PCNX3: variants seen among roughly 807,000 people sequenced by gnomAD.
PCNX3 encodes pecanex-like protein 3.
Under a neutral mutation model 207.2 loss-of-function variants are expected in PCNX3, and 58 were observed. The observed-to-expected ratio is 0.28, with a 90% confidence interval of 0.23 to 0.35. The LOEUF is 0.35. PCNX3 is among the 10% of genes least tolerant of loss of function. The pLI is 1.00. For synonymous variants in PCNX3, 1,337 were observed against 1,183.5 expected (o/e 1.13, Z -2.66); for missense variants, 2,410 against 2,774.4 (o/e 0.87, Z 2.95).
Position 65,625,926 on chromosome 11 carries a change from A to G in PCNX3, c.3251A>G (p.Tyr1084Cys). 6.2e-7 allele frequency: 1 copy of G among 1,613,564 alleles called. No individual in the cohort carries two copies. The highest frequency in any genetic ancestry group is 1.7e-4 in the Middle Eastern group (1 of 6,050). ...CAGTCGGTGCTGGGTTTCGTGTTGTACGCACTGGCTGGGGCCGTGGGCTTC... is the reference window on the plus strand; with the variant it reads ...CAGTCGGTGCTGGGTTTCGTGTTGTGCGCACTGGCTGGGGCCGTGGGCTTC... The part of the protein sequence containing the change: ...ALKSVLGFVL[Y>C]ALAGAVGFFT... Residue 1084 changes from tyrosine to cysteine, a missense_variant, in exon 20 of 35, where the codon TAC (tyrosine) becomes TGC (cysteine). Tyr to Cys is a radical substitution (Grantham distance 194, BLOSUM62 -2). This residue lies in a region of PCNX3 where 333 missense variants were observed against 386.8 expected (regional missense o/e 0.86). Coordinates refer to ENST00000355703, the MANE Select transcript of PCNX3 (RefSeq NM_032223.4). This position sits in a 1 kb window ranked among gnomAD's most constrained non-coding sequence, Gnocchi z 5.6.
In PCNX3 at chr11:65,624,209, G is replaced by T; in HGVS notation, c.2559G>T (p.Val853=). 1 of 1,606,050 alleles carries T rather than the reference G, an allele frequency of 6.2e-7. No individual in the cohort carries two copies. The highest frequency in any genetic ancestry group is 1.7e-5 in the Admixed American group (1 of 59,418). ...AASPMHGHNW[V]IAYSRPVYFC... is the part of the protein sequence containing the mutation. ...TGACCCCTCAGGGCCACAACTGGGT[G>T]ATCGCGTACAGCCGTCCTGTCTACT... is the stretch of plus-strand genomic sequence containing the variant. The change falls in exon 14 of 35, where the codon GTG becomes GTT. Residue 853 remains valine (V), a synonymous_variant. Transcript: ENST00000355703.
In PCNX3 at chr11:65,622,333, A is replaced by G. The variant is rs1443143405; in HGVS notation, c.2324A>G (p.Tyr775Cys). 4 of 1,597,482 alleles carry G rather than the reference A, an allele frequency of 2.5e-6. No homozygotes were observed. Among genetic ancestry groups the G allele is most frequent in the Non-Finnish European group, 3.4e-6 (4 of 1,172,874 alleles). The change falls in exon 11 of 35, where the codon TAT (tyrosine) becomes TGT (cysteine). Residue 775 changes from tyrosine to cysteine, a missense_variant. By Grantham distance (194) the Tyr-to-Cys change is radical (BLOSUM62 -2). This residue lies in a region of PCNX3 where 177 missense variants were observed against 257.5 expected (regional missense o/e 0.69). Coordinates refer to ENST00000355703, the MANE Select transcript of PCNX3 (RefSeq NM_032223.4). ...CCTGGCCGCTGGACCTCTGTGCGCTATGAGCGGCTTGCCCTGCTGGCTCTG... is the reference window on the plus strand; with the variant it reads ...CCTGGCCGCTGGACCTCTGTGCGCTGTGAGCGGCTTGCCCTGCTGGCTCTG... ...LLPGRWTSVR[Y>C]ERLALLALLD...
In PCNX3 at chr11:65,629,731, C is replaced by G. The variant is rs1855542591; in HGVS notation, c.4212C>G (p.Phe1404Leu). Residue 1404 changes from phenylalanine (F) to leucine (L), a missense_variant, in exon 26 of 35, where the codon TTC becomes TTG. This residue lies in a region of PCNX3 where 420 missense variants were observed against 705.3 expected (regional missense o/e 0.60). Transcript: ENST00000355703. ...LVTFQLRGLE[F>L]RGTYCQQREV... The stretch of plus-strand genomic sequence containing the variant: ...CCTTCCAGCTGCGTGGCCTTGAGTT[C>G]CGGGGTGAGCCGCAGGACCAGGCTC... 1.3e-6 allele frequency: 2 copies of G among 1,549,662 alleles called. No individual in the cohort carries two copies. Among genetic ancestry groups the G allele is most frequent in the Non-Finnish European group, 1.7e-6 (2 of 1,147,174 alleles).
intron 5 of PCNX3, 45 bp downstream of exon 5, chr11:65,617,751 G>A (rs1854823426): frequency 2.5e-5 from 38 of 1,542,932 alleles, no homozygotes; most frequent in Non-Finnish European, 3.3e-5. Flanking sequence ...TAGACCAGCT[G>A]TTTCGTTGTT....
chr11:65,616,552 G>T (rs1854739454), intron 1 of PCNX3, 88 bp downstream of exon 1: 3 of 1,416,222 alleles, frequency 2.1e-6, no homozygotes, highest in South Asian at 1.3e-5. Context: ...GCTCTGGGAC[G>T]TGGAGAGAGA....
rs890154223 is a variant in PCNX3 at position 65,636,245 on chromosome 11, G to A, written c.5531G>A (p.Gly1844Asp). The A allele has an allele frequency of 1.9e-6, 3 of 1,587,560 alleles. No homozygotes were observed. The highest frequency in any genetic ancestry group is 2.6e-6 in the Non-Finnish European group (3 of 1,166,706). ...NVDDSDCSGG[G>D]GLTSLSNNPP... ...GATGATTCAGACTGTAGTGGGGGCG[G>A]TGGCCTGACCTCCCTCAGCAATAAC... Residue 1844 changes from glycine (G) to aspartate (D), a missense_variant, in exon 33 of 35, where the codon GGT becomes GAT. Transcript: ENST00000355703.
Position 65,627,452 on chromosome 11 carries a change from C to T in PCNX3, c.3572C>T (p.Ser1191Leu), listed in dbSNP as rs1229364927. 13 of 1,613,138 alleles carry T rather than the reference C, an allele frequency of 8.1e-6. No homozygotes were observed. Among genetic ancestry groups the T allele is most frequent in the Admixed American group, 1.7e-5 (1 of 60,008 alleles). ...MTVAGLKLLR[S>L]AFCCPPQQYL... ...GTGGCTGGGCTGAAGCTGCTGCGCT[C>T]AGCCTTCTGCTGCCCCCCACAGCAG... The change falls in exon 22 of 35, where the codon TCA becomes TTA. Residue 1191 changes from serine (S) to leucine (L), a missense_variant. This residue lies in a region of PCNX3 where 333 missense variants were observed against 386.8 expected (regional missense o/e 0.86). Coordinates refer to ENST00000355703, the MANE Select transcript of PCNX3 (RefSeq NM_032223.4).
chr11:65,637,235 A>C lies in PCNX3; in HGVS notation c.*257A>C. On this transcript the variant is annotated 3_prime_UTR_variant, in exon 35 of 35. Transcript: ENST00000355703. ...CCAGCCAGGCCCTAAGAGCCAAACC[A>C]TGGGCTGGTCCCACTTGGAGCCTGT... 9.6e-6 allele frequency: 5 copies of C among 521,462 alleles called. No homozygotes were observed. Among genetic ancestry groups the C allele is most frequent in the Non-Finnish European group, 1.4e-5 (4 of 289,278 alleles). 32.3% of individuals were successfully genotyped at this position (521,462 alleles called of 1,614,324 possible).
rs750388009 is a variant in PCNX3, at chr11:65,627,397, G to T, written c.3525-8G>T. The T allele has an allele frequency of 6.2e-7, 1 of 1,605,864 alleles. No individual in the cohort carries two copies. Among genetic ancestry groups the T allele is most frequent in the Non-Finnish European group, 8.5e-7 (1 of 1,179,382 alleles). On this transcript the variant is annotated splice_polypyrimidine_tract_variant and splice_region_variant and intron_variant, in intron 21 of 34. Transcript: ENST00000355703. The stretch of plus-strand genomic sequence containing the variant: ...ACCAAGCACCCGATGCCTGCCCCTT[G>T]CCCACAGCTGCCGGGCGCTGCTGAT...
chr11:65,622,106 G>A, intron 10 of PCNX3, 139 bp from the exon 11 acceptor site: 1 of 1,408,630 alleles, frequency 7.1e-7, no homozygotes, highest in South Asian at 1.5e-5. Context: ...GCCTTTATGT[G>A]CTGATGGAAA....
Position 65,626,984 on chromosome 11 carries a change from G to C in PCNX3, c.3460G>C (p.Val1154Leu), listed in dbSNP as rs1344918017. 4 of 1,557,996 alleles carry C rather than the reference G, an allele frequency of 2.6e-6. No homozygotes were observed. Among genetic ancestry groups the C allele is most frequent in the Non-Finnish European group, 3.5e-6 (4 of 1,150,960 alleles). Residue 1154 changes from valine (V) to leucine (L), a missense_variant, in exon 21 of 35, where the codon GTG becomes CTG. Coordinates refer to ENST00000355703, the MANE Select transcript of PCNX3 (RefSeq NM_032223.4). ...VEKYLIYPAV[V>L]LNALTVDAHT... ...GAAGTACCTCATCTACCCCGCCGTG[G>C]TGCTCAACGCCCTCACGGTGGACGC...
chr11:65,631,194 C>T (rs1855603813), intron 27 of PCNX3, among the ~76,000 whole-genome samples: 1 of 152,106 alleles, frequency 6.6e-6, no homozygotes, highest in East Asian at 1.9e-4. Context: ...TGAGCCAGGC[C>T]TGAGGATCTT....
At chr11:65,617,902 A>T (rs1854833703) in intron 5 of PCNX3, 38 bp from the exon 6 acceptor site, 1 of 1,536,628 alleles carries the variant, frequency 6.5e-7, no homozygotes, top group South Asian at 1.2e-5. Context: ...TTTGCAGAAA[A>T]CCCTTTTTTC....
Position 65,619,561 on chromosome 11 carries a change from A to T in PCNX3, c.1730A>T (p.Asp577Val), listed in dbSNP as rs112586239. 1 of 1,609,818 alleles carries T rather than the reference A, an allele frequency of 6.2e-7. No homozygotes were observed. Residue 577 changes from aspartate (D) to valine (V), a missense_variant, in exon 7 of 35, where the codon GAC becomes GTC. Physicochemically the swap from Asp to Val is radical, Grantham distance 152. This residue lies in a region of PCNX3 where 1,104 missense variants were observed against 970.3 expected (regional missense o/e 1.14). Coordinates refer to ENST00000355703, the MANE Select transcript of PCNX3 (RefSeq NM_032223.4). Reference sequence around the variant, plus strand: ...GCGGCCGAGGAGACTGGCAGGCGGGACCGCTCAAGCAGTGTGAGGCGGACC... The same window carrying T: ...GCGGCCGAGGAGACTGGCAGGCGGGTCCGCTCAAGCAGTGTGAGGCGGACC... ...GGAAEETGRR[D>V]RSSSVRRTQA...
Position 65,618,821 on chromosome 11 carries a change from G to A in PCNX3, c.1459G>A (p.Gly487Arg), listed in dbSNP as rs1211967416. The change falls in exon 6 of 35, where the codon GGG becomes AGG. Residue 487 changes from glycine (G) to arginine (R), a missense_variant. By Grantham distance (125) the Gly-to-Arg change is moderately radical. Coordinates refer to ENST00000355703, the MANE Select transcript of PCNX3 (RefSeq NM_032223.4). ...GTAVPPKRPY[G>R]TQRTPSTASA... ...TGCTGTGCCCCCCAAGCGGCCATAT[G>A]GGACCCAGCGGACGCCTAGTACCGC... 1 of 1,611,428 alleles carries A rather than the reference G, an allele frequency of 6.2e-7. No individual in the cohort carries two copies. Among genetic ancestry groups the A allele is most frequent in the African/African-American group, 1.3e-5 (1 of 75,042 alleles).
intron 20 of PCNX3, chr11:65,626,428 A>C (rs927072189): frequency 2.4e-6 from 1 of 415,412 alleles, no homozygotes; most frequent in African/African-American, 2.0e-5. Flanking sequence ...AATGGTTTTT[A>C]AAAAATCCTG....
At chr11:65,620,755 C>G (rs1214497932) in intron 9 of PCNX3, 76 bp from the exon 10 acceptor site, 13 of 1,543,088 alleles carry the variant, frequency 8.4e-6, no homozygotes, top group African/African-American at 1.4e-5. Flanking sequence ...ACCTGCCTGG[C>G]CTTGGCCTCG....
rs767875091 is a variant in PCNX3, at chr11:65,623,949, G to A, written c.2532G>A (p.Ala844=). The change falls in exon 13 of 35, where the codon GCG becomes GCA. Residue 844 remains alanine, a synonymous_variant. Coordinates refer to ENST00000355703, the MANE Select transcript of PCNX3 (RefSeq NM_032223.4). Reference sequence around the variant, plus strand: ...TCCAGAGCGTGCAGCCTGATGCGGCGTCCCCCATGCACGTGAGTACCCATG... The same window carrying A: ...TCCAGAGCGTGCAGCCTGATGCGGCATCCCCCATGCACGTGAGTACCCATG... The part of the protein sequence containing the change: ...SLLKSVQPDA[A]SPMHGHNWVI... 33 of 1,612,006 alleles carry A rather than the reference G, an allele frequency of 2.0e-5. No individual in the cohort carries two copies. The highest frequency in any genetic ancestry group is 1.3e-4 in the South Asian group (12 of 91,094).
chr11:65,636,321 G>A lies in PCNX3; in HGVS notation c.5593+14G>A. ...AGAACACGGCAGGTGAGCAGGCGAG[G>A]CTGGGCTGAACCCGTGGGTGAGGAG... On this transcript the variant is annotated intron_variant, in intron 33 of 34. Coordinates refer to ENST00000355703, the MANE Select transcript of PCNX3 (RefSeq NM_032223.4). The A allele has an allele frequency of 6.2e-7, 1 of 1,611,276 alleles. No individual in the cohort carries two copies. The highest frequency in any genetic ancestry group is 8.5e-7 in the Non-Finnish European group (1 of 1,178,582).
Sources: allele counts gnomAD v4.1 joint callset (sites outside exome capture counted in the v4.1 genomes callset), GRCh38; gene constraint gnomAD v4.1.1; regional missense constraint gnomAD v4.1.1; non-coding constraint Gnocchi (gnomAD v3.1); transcripts MANE v1.5; gene names NCBI Gene and HGNC (gene_info 2026-07-23, HGNC 2026-07-21).